FNDC3B: variants seen among roughly 807,000 people sequenced by gnomAD.
FNDC3B encodes the protein fibronectin type III domain containing 3B, also known as fibronectin type III domain-containing protein 3B.
FNDC3B carries 12 observed loss-of-function variants against 151.5 expected under a neutral mutation model. That is an observed-to-expected ratio of 0.08 (90% CI 0.05 to 0.13). FNDC3B has a LOEUF of 0.13. FNDC3B is among the 10% of genes least tolerant of loss of function. The pLI is 1.00. For missense variants in FNDC3B, 1,214 were observed against 1,505.3 expected (o/e 0.81, Z 3.20); for synonymous variants, 528 against 549.0 (o/e 0.96, Z 0.54).
intron 1 of FNDC3B, among the ~76,000 whole-genome samples, chr3:172,088,833 TG>T (rs1718675411): frequency 6.6e-6 from 1 of 152,238 alleles, no homozygotes; most frequent in Non-Finnish European, 1.5e-5. Flanking sequence ...TTACTTGTGT[TG>T]ACAGTATTCT....
In FNDC3B at chr3:172,344,168, G is replaced by T. The variant is rs768016635; in HGVS notation, c.2160G>T (p.Val720=). The change falls in exon 19 of 26, where the codon GTG becomes GTT. Residue 720 remains valine (V), a synonymous_variant. Coordinates refer to ENST00000415807, the MANE Select transcript of FNDC3B (RefSeq NM_022763.4). The part of the protein sequence containing the change: ...MTEPEDVASE[V]YHGPELECTV... ...AGCCCGAAGACGTAGCCTCGGAAGT[G>T]TACCATGGCCCAGAGCTGGAGTGCA... 2 of 1,614,192 alleles carry T rather than the reference G, an allele frequency of 1.2e-6. No individual in the cohort carries two copies. Among genetic ancestry groups the T allele is most frequent in the South Asian group, 2.2e-5 (2 of 91,082 alleles).
At position 172,125,523 on chromosome 3, in the gene FNDC3B, T is replaced by C. The variant is rs1264490294; in HGVS notation, c.112-7948T>C. ...TTCCTCCCCCGTGGGAGTCTCACCCTGGAGTTAGGAGAGGGCCTTTTGCCT... is the reference window on the plus strand; with the variant it reads ...TTCCTCCCCCGTGGGAGTCTCACCCCGGAGTTAGGAGAGGGCCTTTTGCCT... On this transcript the variant is annotated intron_variant, in intron 2 of 25. Transcript: ENST00000415807. Among the ~76,000 whole-genome samples the C allele has an allele frequency of 2.0e-5, 3 of 152,306 alleles. No homozygotes were observed. In the East Asian group the frequency reaches 5.8e-4, roughly 29 times the overall value.
intron 24 of FNDC3B, among the ~76,000 whole-genome samples, chr3:172,380,565 A>G (rs1735385961): frequency 6.6e-6 from 1 of 152,042 alleles, no homozygotes. Flanking sequence ...TATGCGTCTC[A>G]TACCTTGCTC....
intron 4 of FNDC3B, among the ~76,000 whole-genome samples, chr3:172,242,348 C>G (rs1295889029): frequency 6.6e-6 from 1 of 152,150 alleles, no homozygotes; most frequent in African/African-American, 2.4e-5. Context: ...TCTGACCCCA[C>G]ATTTCCCTTC....
intron 3 of FNDC3B, among the ~76,000 whole-genome samples, chr3:172,208,921 C>T (rs1439151381): frequency 6.6e-6 from 1 of 152,052 alleles, no homozygotes; most frequent in Non-Finnish European, 1.5e-5. Flanking sequence ...TGTGGCTGGA[C>T]CAGACATACC....
chr3:172,378,583 G>T, intron 24 of FNDC3B, 147 bp downstream of exon 24: 1 of 764,086 alleles, frequency 1.3e-6, no homozygotes. Context: ...GCAATGATGG[G>T]TTGTCTGGGG....
intron 25 of FNDC3B, 113 bp from the exon 26 acceptor site, chr3:172,397,049 TAA>T: frequency 1.3e-6 from 1 of 752,202 alleles, no homozygotes; most frequent in South Asian, 2.0e-5. Context: ...ATCTTTGTTA[TAA>T]GAGTGAATGT....
Position 172,260,951 on chromosome 3 carries a change from A to T in FNDC3B, c.790+9410A>T, listed in dbSNP as rs371743771. ...TGCTAAAAGGGGGAGATTTCAGGGG[A>T]CATTAGCTGGAGGCGATGGGCAAAC... On this transcript the variant is annotated intron_variant, in intron 6 of 25. Transcript: ENST00000415807. 1.8e-4 allele frequency among the ~76,000 whole-genome samples: 28 copies of T among 152,296 alleles called. No individual in the cohort carries two copies. The East Asian group carries it at 4.8e-3, about 26-fold the overall frequency.
At position 172,347,516 on chromosome 3, in the gene FNDC3B, G is replaced by A. The variant is rs370752101; in HGVS notation, c.2514+155G>A. ...AATAAAAATATATTTGGTTGTTTTG[G>A]TGTTTTGCAGTTAATTTCCACTTCT... is the stretch of plus-strand genomic sequence containing the variant. On this transcript the variant is annotated intron_variant, in intron 21 of 25. Transcript: ENST00000415807. Among the ~76,000 whole-genome samples, 38 of 152,316 alleles carry A rather than the reference G, an allele frequency of 2.5e-4. 2 individuals carry two copies. The East Asian group carries it at 6.7e-3, about 27-fold the overall frequency.
Position 172,065,660 on chromosome 3 carries a change from G to A in FNDC3B, c.-29+25889G>A, listed in dbSNP as rs138665497. On this transcript the variant is annotated intron_variant, in intron 1 of 25. Transcript: ENST00000415807. The stretch of plus-strand genomic sequence containing the variant: ...TTGGCTGTGCATTAGCAACGTGGCA[G>A]TTACTGATCTGTCATTTACTTTGAA... Among the ~76,000 whole-genome samples, 296 of 152,362 alleles carry A rather than the reference G, an allele frequency of 1.9e-3. 2 individuals are homozygous for A. The highest frequency in any genetic ancestry group is 3.5e-3 in the Non-Finnish European group (241 of 68,040).
At chr3:172,175,507 C>A (rs751232003) in intron 3 of FNDC3B, among the ~76,000 whole-genome samples, 1 of 152,176 alleles carries the variant, frequency 6.6e-6, no homozygotes, top group Non-Finnish European at 1.5e-5. Flanking sequence ...AAGGCAAATT[C>A]TTAGAAAGGG....
At chr3:172,356,965 G>A (rs565140995) in intron 22 of FNDC3B, among the ~76,000 whole-genome samples, 2 of 152,182 alleles carry the variant, frequency 1.3e-5, no homozygotes, top group Non-Finnish European at 2.9e-5. Context: ...TCCCAGCTAA[G>A]GATGGTTTGT....
chr3:172,091,231 G>A (rs1718811271), intron 1 of FNDC3B, among the ~76,000 whole-genome samples: 1 of 152,224 alleles, frequency 6.6e-6, no homozygotes, highest in African/African-American at 2.4e-5. Flanking sequence ...TGTCTTATCT[G>A]TTAAGTACAG....
intron 6 of FNDC3B, among the ~76,000 whole-genome samples, chr3:172,264,773 T>G (rs977335452): frequency 6.6e-6 from 1 of 152,226 alleles, no homozygotes; most frequent in East Asian, 1.9e-4. Flanking sequence ...TATTTACTTT[T>G]GAAGAAGAAA....
intron 1 of FNDC3B, among the ~76,000 whole-genome samples, chr3:172,053,391 C>T (rs1716763811): frequency 6.6e-6 from 1 of 152,198 alleles, no homozygotes; most frequent in African/African-American, 2.4e-5. Context: ...AGACTTGGTA[C>T]AGTGTCTGTG....
intron 1 of FNDC3B, among the ~76,000 whole-genome samples, chr3:172,055,791 T>C (rs1260629805): frequency 2.0e-5 from 3 of 151,986 alleles, no homozygotes; most frequent in East Asian, 1.9e-4. Flanking sequence ...TTCTTTCTTT[T>C]TTTTTTTTAG....
At chr3:172,181,269 G>A (rs764353536) in intron 3 of FNDC3B, among the ~76,000 whole-genome samples, 3 of 151,000 alleles carry the variant, frequency 2.0e-5, no homozygotes, top group Non-Finnish European at 4.4e-5. Flanking sequence ...GTGTGGTGGC[G>A]TGTGGTCCCA....
chr3:172,253,729 T>G (rs932200868), intron 6 of FNDC3B, among the ~76,000 whole-genome samples: 1 of 152,230 alleles, frequency 6.6e-6, no homozygotes, highest in Non-Finnish European at 1.5e-5. Flanking sequence ...GTTTTTTTTA[T>G]GTAATGTTTT....
chr3:172,197,448 A>T (rs912050325), intron 3 of FNDC3B, among the ~76,000 whole-genome samples: 1 of 152,224 alleles, frequency 6.6e-6, no homozygotes, highest in Non-Finnish European at 1.5e-5. Context: ...CATCTGCATA[A>T]CTACAATACA....
Sources: gnomAD v4.1 joint callset for allele counts (sites outside exome capture counted in the v4.1 genomes callset) on GRCh38, gnomAD v4.1.1 for gene constraint, MANE v1.5 for transcripts, NCBI Gene and HGNC (gene_info 2026-07-23, HGNC 2026-07-21) for gene names.